The following PLBD1 variants were observed in gnomAD, a reference collection of about 807,000 sequenced individuals.
PLBD1 encodes lysosomal leucine aminopeptidase.
Under a neutral mutation model 63.0 loss-of-function variants are expected in PLBD1, and 60 were observed. The observed-to-expected ratio is 0.95, with a 90% CI of 0.77 to 1.18. The LOEUF (loss-of-function observed/expected upper bound fraction) is 1.18, where lower values mean the gene tolerates loss of function less well. Among genes scored for constraint, PLBD1 ranks in the 50% most tolerant of loss-of-function variants. The pLI is 0.00. For missense variants in PLBD1, 598 were observed against 677.9 expected, an observed-to-expected ratio of 0.88 and a Z score of 1.31; for synonymous variants, 262 against 248.0, an observed-to-expected ratio of 1.06 and a Z score of -0.53.
At position 14,529,197 on chromosome 12, in the gene PLBD1, AAAATAAATAAAT is replaced by A. The variant is rs546031480; in HGVS notation, c.844+6450_844+6461del. ...GGGACAGAGTGAGACCCTGTCTTTA[AAAATAAATAAAT>A]AAATAAATAAATAGAATAAAATAAC... On this transcript the variant is annotated intron_variant, in intron 6 of 10. Transcript: ENST00000240617. 6.6e-5 allele frequency among the ~76,000 whole-genome samples: 10 copies of A among 151,968 alleles called. No individual in the cohort carries two copies. In the East Asian group the frequency reaches 1.7e-3, roughly 26 times the overall value.
chr12:14,553,453 G>T (rs891481045), intron 1 of PLBD1, 41 bp from the exon 2 acceptor site: 2 of 1,461,184 alleles, frequency 1.4e-6, no homozygotes, highest in South Asian at 2.3e-5. Context: ...CCATTCAAAT[G>T]AGTTGTGATG....
At chr12:14,552,392 G>T (rs557706475) in intron 2 of PLBD1, among the ~76,000 whole-genome samples, 1 of 152,324 alleles carries the variant, frequency 6.6e-6, no homozygotes, top group South Asian at 2.1e-4. Flanking sequence ...GGTAGAACTA[G>T]AAGAAACATT....
At chr12:14,527,894 T>A (rs1413770820) in intron 6 of PLBD1, among the ~76,000 whole-genome samples, 1 of 151,288 alleles carries the variant, frequency 6.6e-6, no homozygotes, top group East Asian at 1.9e-4. Context: ...GTGGTTATAT[T>A]AATATAAGAC....
intron 1 of PLBD1, among the ~76,000 whole-genome samples, chr12:14,562,132 T>A (rs1358591741): frequency 6.6e-6 from 1 of 152,136 alleles, no homozygotes; most frequent in Non-Finnish European, 1.5e-5. Context: ...TTCATCTCTC[T>A]CAATCAAGAG....
chr12:14,556,857 G>T (rs559106908), intron 1 of PLBD1, among the ~76,000 whole-genome samples: 1 of 151,812 alleles, frequency 6.6e-6, no homozygotes, highest in Admixed American at 6.5e-5. Context: ...GGTGACGTAA[G>T]CCTGTAATTC....
intron 6 of PLBD1, among the ~76,000 whole-genome samples, chr12:14,522,728 T>C (rs1020336907): frequency 6.6e-6 from 1 of 152,102 alleles, no homozygotes; most frequent in Admixed American, 6.6e-5. Context: ...ATAAACATAA[T>C]ACATCATATT....
rs751055064 is a variant in PLBD1, at chr12:14,535,684, A to G, written c.819T>C (p.Ser273=). Residue 273 remains serine, a synonymous_variant, in exon 6 of 11, where the codon AGT becomes AGC. Transcript: ENST00000240617. ...FNVIDKDTSS[S]RLSFSSYPGF... ...CTGGGTAACTGCTGAAAGAGAGGCG[A>G]CTACTGCTGGTATCTTTATCTATGA... 1.2e-6 allele frequency: 2 copies of G among 1,614,102 alleles called. No individual in the cohort carries two copies. Among genetic ancestry groups the G allele is most frequent in the Non-Finnish European group, 1.7e-6 (2 of 1,179,954 alleles).
At chr12:14,505,556 A>T (rs1945247494) in intron 10 of PLBD1, among the ~76,000 whole-genome samples, 1 of 152,248 alleles carries the variant, frequency 6.6e-6, no homozygotes, top group Non-Finnish European at 1.5e-5. Context: ...TCAACACGTC[A>T]ACTAACAATT....
rs567443998 is a variant in PLBD1 at position 14,559,862 on chromosome 12, A to ATT, written c.116-6452_116-6451dup. Among the ~76,000 whole-genome samples, 28 of 145,120 alleles carry ATT rather than the reference A, an allele frequency of 1.9e-4. No individual in the cohort carries two copies. In the East Asian group the frequency reaches 4.6e-3, roughly 24 times the overall value. Reference sequence around the variant, plus strand: ...CTCTGATTAATATTTTATTTATTTAATTTTTTTTTTTTTTGAGACAGAGTT... The same window carrying ATT: ...CTCTGATTAATATTTTATTTATTTAATTTTTTTTTTTTTTTTGAGACAGAGTT... On this transcript the variant is annotated intron_variant, in intron 1 of 10. Coordinates refer to ENST00000240617, the MANE Select transcript of PLBD1 (RefSeq NM_024829.6).
At position 14,567,879 on chromosome 12, in the gene PLBD1, G is replaced by A; in HGVS notation, c.-183C>T. On this transcript the variant is annotated 5_prime_UTR_variant, in exon 1 of 11. In the 5' UTR this introduces an upstream ATG that the reference lacks. Transcript: ENST00000240617. Reference sequence around the variant, plus strand: ...GCTCTGAGGGGCGAGGACGCTTCACGTGGTGGCCTGGGGCCCACCCCGCCT... The same window carrying A: ...GCTCTGAGGGGCGAGGACGCTTCACATGGTGGCCTGGGGCCCACCCCGCCT... 4.9e-6 allele frequency: 4 copies of A among 813,600 alleles called. No homozygotes were observed. Among genetic ancestry groups the A allele is most frequent in the Non-Finnish European group, 6.9e-6 (4 of 582,912 alleles). 50.4% of individuals were successfully genotyped at this position (813,600 alleles called of 1,614,324 possible). A position where few individuals can be genotyped will look rare whatever the true frequency, so the allele number is the denominator to read the frequency against.
chr12:14,522,476 A>G (rs954937221), intron 6 of PLBD1, among the ~76,000 whole-genome samples: 2 of 152,188 alleles, frequency 1.3e-5, no homozygotes, highest in Admixed American at 6.5e-5. Context: ...TTCAAAAGAC[A>G]TGAAGAGGAG....
At chr12:14,552,600 G>A (rs1030054755) in intron 2 of PLBD1, among the ~76,000 whole-genome samples, 11 of 152,248 alleles carry the variant, frequency 7.2e-5, no homozygotes, top group South Asian at 2.1e-4. Context: ...TGACTTTGCT[G>A]TCTTTAAAAT....
At chr12:14,524,627 T>C (rs1011825685) in intron 6 of PLBD1, among the ~76,000 whole-genome samples, 4 of 152,172 alleles carry the variant, frequency 2.6e-5, no homozygotes, top group Admixed American at 1.3e-4. Context: ...CTGATAAATG[T>C]TTGCGGTGAA....
At position 14,506,234 on chromosome 12, in the gene PLBD1, GGGGT is replaced by G. The variant is rs1382543379; in HGVS notation, c.1403_1406del (p.Asp468AlafsTer11). 4 of 1,613,036 alleles carry G rather than the reference GGGGT, an allele frequency of 2.5e-6. No individual in the cohort carries two copies. Among genetic ancestry groups the G allele is most frequent in the Non-Finnish European group, 8.5e-7 (1 of 1,179,250 alleles). On this transcript the variant is annotated frameshift_variant, in exon 10 of 11. Coordinates refer to ENST00000240617, the MANE Select transcript of PLBD1 (RefSeq NM_024829.6). LOFTEE classifies it high-confidence loss of function. ...CCTCACGGCAGCAGATGGTATTACA[GGGGT>G]CACCTCTACTGTAAGGATCCTTCTT...
chr12:14,544,184 GT>G (rs1303836674), intron 2 of PLBD1, among the ~76,000 whole-genome samples: 1 of 151,976 alleles, frequency 6.6e-6, no homozygotes, highest in African/African-American at 2.4e-5. Context: ...AAGGACTTGT[GT>G]TTTTTTGAAA....
chr12:14,542,132 A>G (rs1189628485), intron 3 of PLBD1, 76 bp downstream of exon 3: 6 of 1,311,874 alleles, frequency 4.6e-6, no homozygotes, highest in Non-Finnish European at 6.6e-6. Context: ...AATTGGCAAA[A>G]AATTGCTGCT....
chr12:14,549,808 C>CCA (rs1467924203), intron 2 of PLBD1, among the ~76,000 whole-genome samples: 1 of 152,144 alleles, frequency 6.6e-6, no homozygotes, highest in African/African-American at 2.4e-5. Flanking sequence ...GCTGGGATTA[C>CCA]AGATGCATAC....
chr12:14,504,042 A>T, intron 10 of PLBD1, 88 bp from the exon 11 acceptor site: 1 of 1,262,266 alleles, frequency 7.9e-7, no homozygotes, highest in Non-Finnish European at 1.1e-6. Context: ...CCCACTACCA[A>T]AGTCACAATA....
chr12:14,511,437 A>G (rs765464938), intron 7 of PLBD1, 37 bp from the exon 8 acceptor site: 5 of 1,613,678 alleles, frequency 3.1e-6, no homozygotes, highest in Non-Finnish European at 3.4e-6. Context: ...GGGCATGGGT[A>G]TGACTTTACT....
Sources: gnomAD v4.1 joint callset for allele counts (sites outside exome capture counted in the v4.1 genomes callset) on GRCh38, gnomAD v4.1.1 for gene constraint, MANE v1.5 for transcripts, NCBI Gene and HGNC (gene_info 2026-07-23, HGNC 2026-07-21) for gene names.